MNAT1: variants seen among roughly 807,000 people sequenced by gnomAD.
MNAT1 encodes CDK-activating kinase assembly factor MAT1.
In MNAT1, 43 loss-of-function variants were observed where a neutral mutation model predicts 42.0. That is an observed-to-expected ratio of 1.02 (90% CI 0.80 to 1.32). The LOEUF (loss-of-function observed/expected upper bound fraction) is 1.32, where lower values mean the gene tolerates loss of function less well. Among genes scored for constraint, MNAT1 ranks in the 40% most tolerant of loss-of-function variants. The pLI is 0.00. For missense variants in MNAT1, 306 were observed against 350.4 expected (o/e 0.87, Z 1.01); for synonymous variants, 118 against 120.0 (o/e 0.98, Z 0.11).
intron 6 of MNAT1, among the ~76,000 whole-genome samples, chr14:60,824,392 A>T (rs1167114909): frequency 4.6e-5 from 7 of 152,202 alleles, no homozygotes; most frequent in Admixed American, 4.6e-4. Context: ...ATATTTTAAC[A>T]TAGTTTTATA....
chr14:60,897,392 T>C (rs1203607841), intron 7 of MNAT1, among the ~76,000 whole-genome samples: 1 of 152,282 alleles, frequency 6.6e-6, no homozygotes, highest in East Asian at 1.9e-4. Flanking sequence ...AAAATAATCA[T>C]ATGTAAAGCT....
intron 1 of MNAT1, among the ~76,000 whole-genome samples, chr14:60,735,805 G>T (rs550977244): frequency 6.6e-6 from 1 of 152,346 alleles, no homozygotes; most frequent in East Asian, 1.9e-4. Flanking sequence ...GTCAGATGTG[G>T]TTTAGTGAAG....
At chr14:60,925,565 C>A (rs78978299) in intron 7 of MNAT1, among the ~76,000 whole-genome samples, 1 of 152,324 alleles carries the variant, frequency 6.6e-6, no homozygotes, top group East Asian at 1.9e-4. Flanking sequence ...AAGTTTTGCT[C>A]ATTTTGCTTG....
At chr14:60,762,010 A>G (rs1048572277) in intron 1 of MNAT1, among the ~76,000 whole-genome samples, 4 of 152,200 alleles carry the variant, frequency 2.6e-5, no homozygotes, top group African/African-American at 9.6e-5. Context: ...CTAGTGCTTT[A>G]TACATTGCAA....
At chr14:60,827,727 A>G (rs1413349261) in intron 6 of MNAT1, among the ~76,000 whole-genome samples, 1 of 152,198 alleles carries the variant, frequency 6.6e-6, no homozygotes, top group Non-Finnish European at 1.5e-5. Context: ...TGATATGCAC[A>G]TAGCATTAAT....
chr14:60,880,724 C>T (rs2034532208), intron 7 of MNAT1, among the ~76,000 whole-genome samples: 1 of 152,084 alleles, frequency 6.6e-6, no homozygotes, highest in Non-Finnish European at 1.5e-5. Context: ...TACATGTGAA[C>T]ATCAAGGCTC....
At chr14:60,749,032 G>A (rs1021145940) in intron 1 of MNAT1, among the ~76,000 whole-genome samples, 1 of 152,160 alleles carries the variant, frequency 6.6e-6, no homozygotes, top group Admixed American at 6.5e-5. Flanking sequence ...TAGGTGATAG[G>A]AATTTTTCAG....
chr14:60,778,784 C>T (rs1183883383), intron 1 of MNAT1, among the ~76,000 whole-genome samples: 1 of 152,150 alleles, frequency 6.6e-6, no homozygotes, highest in Non-Finnish European at 1.5e-5. Context: ...AGGTGATCCT[C>T]TACAAGGATG....
At chr14:60,876,717 C>T (rs2139458534) in intron 6 of MNAT1, among the ~76,000 whole-genome samples, 1 of 152,122 alleles carries the variant, frequency 6.6e-6, no homozygotes, top group South Asian at 2.1e-4. Context: ...ATCATAATAT[C>T]TTCAGGTCCA....
chr14:60,868,516 C>A (rs1317014415), intron 6 of MNAT1, among the ~76,000 whole-genome samples: 1 of 152,114 alleles, frequency 6.6e-6, no homozygotes, highest in Non-Finnish European at 1.5e-5. Flanking sequence ...ACAAACACTA[C>A]CATCTTTTTT....
At chr14:60,940,853 C>T (rs2036139509) in intron 7 of MNAT1, among the ~76,000 whole-genome samples, 1 of 151,998 alleles carries the variant, frequency 6.6e-6, no homozygotes, top group Non-Finnish European at 1.5e-5. Flanking sequence ...ATTACAGAAT[C>T]AGAAGGGTCA....
chr14:60,937,358 A>G (rs1340682794), intron 7 of MNAT1, among the ~76,000 whole-genome samples: 1 of 152,176 alleles, frequency 6.6e-6, no homozygotes, highest in African/African-American at 2.4e-5. Context: ...TTATGGTTTT[A>G]GGTCTAACAT....
chr14:60,735,157 C>T (rs1212538909), intron 1 of MNAT1, among the ~76,000 whole-genome samples: 2 of 152,192 alleles, frequency 1.3e-5, no homozygotes, highest in Non-Finnish European at 2.9e-5. Flanking sequence ...ACTGCGGGTT[C>T]TCAGTGTGGC....
chr14:60,910,317 T>C (rs1448709187), intron 7 of MNAT1, among the ~76,000 whole-genome samples: 3 of 150,818 alleles, frequency 2.0e-5, no homozygotes, highest in South Asian at 2.1e-4. Context: ...GCCTTTTATT[T>C]CCTTCTCCTG....
At chr14:60,813,977 T>C (rs2032635836) in intron 5 of MNAT1, among the ~76,000 whole-genome samples, 1 of 152,186 alleles carries the variant, frequency 6.6e-6, no homozygotes, top group African/African-American at 2.4e-5. Context: ...ATATCCATTT[T>C]ATTTTCAGAT....
At chr14:60,753,868 A>G (rs1026190693) in intron 1 of MNAT1, 7 of 152,294 alleles carry the variant, frequency 4.6e-5, no homozygotes, top group African/African-American at 1.7e-4. Flanking sequence ...TGCTTGTATA[A>G]CCAATCGAAT....
chr14:60,905,479 G>A (rs2035175553), intron 7 of MNAT1, among the ~76,000 whole-genome samples: 1 of 152,136 alleles, frequency 6.6e-6, no homozygotes, highest in Admixed American at 6.5e-5. Context: ...TTTGGAATTG[G>A]CTCACATGAT....
chr14:60,788,052 A>G (rs1359983291), intron 1 of MNAT1, among the ~76,000 whole-genome samples: 1 of 152,184 alleles, frequency 6.6e-6, no homozygotes, highest in Non-Finnish European at 1.5e-5. Flanking sequence ...GCCCAGATCT[A>G]TCAGAGGAAT....
intron 6 of MNAT1, among the ~76,000 whole-genome samples, chr14:60,830,027 C>G (rs1445082397): frequency 1.3e-5 from 2 of 152,164 alleles, no homozygotes; most frequent in African/African-American, 2.4e-5. Context: ...GTGTTTCAAT[C>G]AGTCTCTGAA....
Sources: allele counts gnomAD v4.1 joint callset (sites outside exome capture counted in the v4.1 genomes callset), GRCh38; gene constraint gnomAD v4.1.1; transcripts MANE v1.5; gene names NCBI Gene and HGNC (gene_info 2026-07-23, HGNC 2026-07-21).